Variants in NOS3 observed in about 807,000 individuals in gnomAD.
The protein encoded by NOS3 is nitric oxide synthase 3.
NOS3 carries 98 observed loss-of-function variants against 144.9 expected under a neutral mutation model. That is an observed-to-expected ratio of 0.68 (90% CI 0.57 to 0.80). NOS3 has a LOEUF of 0.80. Among genes scored for constraint, NOS3 ranks in the 30% least tolerant of loss-of-function variants. The pLI, the probability that NOS3 is intolerant of heterozygous loss-of-function variation, is 0.00. For missense variants in NOS3, 1,465 were observed against 1,656.4 expected, an observed-to-expected ratio of 0.88 and a Z score of 2.01; for synonymous variants, 714 against 702.4, an observed-to-expected ratio of 1.02 and a Z score of -0.26.
Position 151,010,653 on chromosome 7 carries a change from G to C in NOS3, c.2742G>C (p.Val914=). ...KWFRCPTLLE[V]LEQFPSVALP... ...TCCGCTGCCCCACGCTGCTGGAGGTGCTGGAGCAGTTCCCGTCGGTGGCGC... is the reference window on the plus strand; with the variant it reads ...TCCGCTGCCCCACGCTGCTGGAGGTCCTGGAGCAGTTCCCGTCGGTGGCGC... The change falls in exon 22 of 27, where the codon GTG becomes GTC. Residue 914 remains valine (V), a synonymous_variant. Coordinates refer to ENST00000297494, the MANE Select transcript of NOS3 (RefSeq NM_000603.5). The C allele has an allele frequency of 6.2e-7, 1 of 1,607,614 alleles. No individual in the cohort carries two copies. Among genetic ancestry groups the C allele is most frequent in the South Asian group, 1.1e-5 (1 of 89,798 alleles).
chr7:151,011,174 A>C (rs1367747582), intron 23 of NOS3, among the ~76,000 whole-genome samples, 188 bp downstream of exon 23: 4 of 152,058 alleles, frequency 2.6e-5, no homozygotes, highest in African/African-American at 9.7e-5. Context: ...TTAGACTCAG[A>C]GTTCTGCCCT....
At chr7:150,996,702 G>A in intron 4 of NOS3, 61 bp from the exon 5 acceptor site, 8 of 1,569,384 alleles carry the variant, frequency 5.1e-6, no homozygotes, top group Non-Finnish European at 6.1e-6. Flanking sequence ...AAGCCTGGAG[G>A]AGGGCCTCCC....
intron 8 of NOS3, 30 bp from the exon 9 acceptor site, chr7:150,999,160 G>A: frequency 7.5e-6 from 12 of 1,610,188 alleles, no homozygotes; most frequent in Middle Eastern, 1.7e-4. Context: ...CCTGCAAGGG[G>A]GTGCTGATCC....
chr7:150,999,135 G>A, intron 8 of NOS3, 50 bp downstream of exon 8: 1 of 1,611,998 alleles, frequency 6.2e-7, no homozygotes, highest in East Asian at 2.2e-5. Context: ...CCATCCCTGA[G>A]CCTCTCAAGA....
At chr7:150,994,077 CA>C in intron 2 of NOS3, 116 bp downstream of exon 2, 1 of 1,096,714 alleles carries the variant, frequency 9.1e-7, no homozygotes, top group Non-Finnish European at 1.3e-6. Context: ...GTCACAAATG[CA>C]AAAGGGCTAT....
chr7:151,013,562 GC>G, intron 25 of NOS3, 161 bp from the exon 26 acceptor site: 1 of 855,390 alleles, frequency 1.2e-6, no homozygotes, highest in Non-Finnish European at 1.7e-6. Flanking sequence ...TCCCGCCCCT[GC>G]CCCGCCCCTT....
At chr7:150,996,195 C>T (rs574123559) in intron 3 of NOS3, among the ~76,000 whole-genome samples, 8 of 8,348 alleles carry the variant, frequency 9.6e-4, no homozygotes, top group African/African-American at 6.0e-3. Flanking sequence ...CACCCCTGTA[C>T]CCTTCCTCCT....
chr7:151,010,461 A>G (rs1473888664), intron 21 of NOS3, 136 bp from the exon 22 acceptor site: 3 of 1,092,118 alleles, frequency 2.7e-6, no homozygotes, highest in Non-Finnish European at 3.9e-6. Flanking sequence ...TGGATTCTCC[A>G]GGTCTTAGAG....
Position 151,013,869 on chromosome 7 carries a change from A to G in NOS3, c.3401A>G (p.Glu1134Gly), listed in dbSNP as rs1213010805. Residue 1134 changes from glutamate (E) to glycine (G), a missense_variant, in exon 26 of 27, where the codon GAG (glutamate) becomes GGG (glycine). Coordinates refer to ENST00000297494, the MANE Select transcript of NOS3 (RefSeq NM_000603.5). The part of the protein sequence containing the change: ...LQTVQRILAT[E>G]GDMELDEAGD... ...ACCGTGCAGCGCATCCTGGCGACGG[A>G]GGGCGACATGGAGCTGGACGAGGCC... The G allele has an allele frequency of 6.2e-7, 1 of 1,603,430 alleles. No homozygotes were observed. Among genetic ancestry groups the G allele is most frequent in the East Asian group, 2.3e-5 (1 of 44,386 alleles).
intron 5 of NOS3, among the ~76,000 whole-genome samples, chr7:150,997,399 G>T (rs1048272936): frequency 1.3e-5 from 2 of 152,068 alleles, no homozygotes; most frequent in African/African-American, 4.8e-5. Flanking sequence ...AAGAGAGAAG[G>T]CTTCTCCCGC....
intron 23 of NOS3, 93 bp downstream of exon 23, chr7:151,011,079 C>A: frequency 1.2e-6 from 1 of 814,382 alleles, no homozygotes; most frequent in Non-Finnish European, 2.1e-6. Context: ...TCACTGGAAA[C>A]AGGAAGGAGC....
Position 150,996,660 on chromosome 7 carries a change from G to A in NOS3, c.420-103G>A, listed in dbSNP as rs1802433354. ...CCTTCCCAGATCCTAACACCACGTG[G>A]GCCCCTCCCGCCCTCCCCCAGCACT... is the stretch of plus-strand genomic sequence containing the variant. On this transcript the variant is annotated intron_variant, in intron 4 of 26. Transcript: ENST00000297494. 3.4e-6 allele frequency: 5 copies of A among 1,480,238 alleles called. No homozygotes were observed. The Admixed American group carries it at 5.5e-5, about 16-fold the overall frequency. The allele number at this position is 1,480,238 out of a possible 1,614,324, so 91.7% of individuals were successfully genotyped here. A position where few individuals can be genotyped will look rare whatever the true frequency, so the allele number is the denominator to read the frequency against.
chr7:151,000,352 A>C (rs1435481694), intron 9 of NOS3, 146 bp from the exon 10 acceptor site: 1 of 624,020 alleles, frequency 1.6e-6, no homozygotes, highest in Non-Finnish European at 2.9e-6. Context: ...CAAAAACCTG[A>C]ACCAGCCCCC....
Position 151,014,065 on chromosome 7 carries a change from A to G in NOS3, c.3508A>G (p.Thr1170Ala). The change falls in exon 27 of 27, where the codon ACA becomes GCA. Residue 1170 changes from threonine to alanine, a missense_variant. Thr to Ala is a moderately conservative substitution (Grantham distance 58). Around this residue, in one of 5 missense-constraint regions of NOS3, gnomAD observed 228 missense variants for 227.7 expected, o/e 1.00. Transcript: ENST00000297494. ...GCTCACGCTGCGCACCCAGGAGGTG[A>G]CAAGCCGCATACGCACCCAGAGCTT... ...FGLTLRTQEV[T>A]SRIRTQSFSL... 1.9e-6 allele frequency: 3 copies of G among 1,613,812 alleles called. No individual in the cohort carries two copies. Among genetic ancestry groups the G allele is most frequent in the Non-Finnish European group, 2.5e-6 (3 of 1,179,924 alleles).
rs1162507771 is a variant in NOS3, at chr7:151,010,204, C to T, written c.2602C>T (p.Pro868Ser). The T allele has an allele frequency of 1.2e-6, 2 of 1,612,482 alleles. No individual in the cohort carries two copies. The highest frequency in any genetic ancestry group is 1.3e-5 in the African/African-American group (1 of 75,028). Residue 868 changes from proline to serine, a missense_variant, in exon 21 of 27, where the codon CCA (proline) becomes TCA (serine). Transcript: ENST00000297494. ...ALTFFLDITSPPSPQLLRLLS... is the reference protein window; with the variant it reads ...ALTFFLDITSSPSPQLLRLLS... ...CACCTTCTTCCTGGACATCACCTCC[C>T]CACCCAGCCCTCAGCTCTTGCGGCT...
At chr7:151,001,674 CCA>C in intron 12 of NOS3, 57 bp downstream of exon 12, 1 of 1,580,972 alleles carries the variant, frequency 6.3e-7, no homozygotes, top group Non-Finnish European at 8.7e-7. Flanking sequence ...CCACTCTCCC[CCA>C]CACACCCTGG....
intron 10 of NOS3, 125 bp downstream of exon 10, chr7:151,000,724 G>A (rs1012322304): frequency 2.1e-5 from 14 of 672,486 alleles, no homozygotes; most frequent in African/African-American, 3.5e-5. Context: ...AAGAAGTTCC[G>A]TAGTCCCAGT....
Position 150,993,199 on chromosome 7 carries a change from G to C in NOS3, c.-51-554G>C, listed in dbSNP as rs992830251. The stretch of plus-strand genomic sequence containing the variant: ...CTAATGTCAGACTCAAGGACAAAAA[G>C]TCACTACATCCTTGCTGGGCCTCTA... On this transcript the variant is annotated intron_variant, in intron 1 of 26. Coordinates refer to ENST00000297494, the MANE Select transcript of NOS3 (RefSeq NM_000603.5). The surrounding 1 kb of genome is among the most constrained non-coding windows in gnomAD (Gnocchi z 4.0). 6.6e-6 allele frequency among the ~76,000 whole-genome samples: 1 copy of C among 152,172 alleles called. No homozygotes were observed. The highest frequency in any genetic ancestry group is 2.4e-5 in the African/African-American group (1 of 41,434).
At chr7:151,001,088 A>C in intron 10 of NOS3, 143 bp from the exon 11 acceptor site, 1 of 762,160 alleles carries the variant, frequency 1.3e-6, no homozygotes, top group Non-Finnish European at 2.2e-6. Context: ...TGAGGGTGAC[A>C]TTGTGGTTTG....
Sources: gnomAD v4.1 joint callset for allele counts (sites outside exome capture counted in the v4.1 genomes callset) on GRCh38, gnomAD v4.1.1 for gene constraint, gnomAD v4.1.1 regional missense constraint, Gnocchi (gnomAD v3.1) non-coding constraint, MANE v1.5 for transcripts, NCBI Gene and HGNC (gene_info 2026-07-23, HGNC 2026-07-21) for gene names.